LIN37: variants seen among roughly 807,000 people sequenced by gnomAD.
The protein encoded by LIN37 is protein lin-37 homolog.
LIN37 carries 21 observed loss-of-function variants against 38.0 expected under a neutral mutation model. That is an observed-to-expected ratio of 0.55 (90% CI 0.39 to 0.80). The LOEUF is 0.80. Ranked by LOEUF, LIN37 falls within the 30% of genes least tolerant of loss-of-function variation. The probability of loss-of-function intolerance (pLI) is 0.00; values close to 1 mark genes in which losing one functional copy is unlikely to be tolerated. For missense variants in LIN37, 273 were observed against 338.5 expected (o/e 0.81, Z 1.52); for synonymous variants, 126 against 122.9 (o/e 1.03, Z -0.17).
chr19:35,750,606 G>A (rs1970667771), intron 1 of LIN37, among the ~76,000 whole-genome samples: 2 of 152,184 alleles, frequency 1.3e-5, no homozygotes, highest in East Asian at 3.8e-4. Context: ...GGGCAGGAAG[G>A]TGGGCCTAGA....
intron 1 of LIN37, among the ~76,000 whole-genome samples, chr19:35,749,399 C>T (rs1271798977): frequency 2.0e-5 from 3 of 152,014 alleles, no homozygotes; most frequent in Non-Finnish European, 4.4e-5. Flanking sequence ...CTGACCGGAT[C>T]CCAGGCCTGG....
At chr19:35,751,359 T>G (rs1242036408) in intron 1 of LIN37, among the ~76,000 whole-genome samples, 1 of 152,192 alleles carries the variant, frequency 6.6e-6, no homozygotes, top group Non-Finnish European at 1.5e-5. Flanking sequence ...AATAAAATTA[T>G]ACCACTGCCT....
At chr19:35,748,782 C>G (rs374445863) in intron 1 of LIN37, 24 bp downstream of exon 1, 1 of 1,613,796 alleles carries the variant, frequency 6.2e-7, no homozygotes, top group African/African-American at 1.3e-5. Flanking sequence ...CGTCGGGGGC[C>G]TGTCGGGACC....
chr19:35,749,432 G>T (rs953926044), intron 1 of LIN37, among the ~76,000 whole-genome samples: 1 of 152,078 alleles, frequency 6.6e-6, no homozygotes, highest in Non-Finnish European at 1.5e-5. Context: ...AGTGGGAGGG[G>T]TGCAGAATTT....
chr19:35,750,568 G>A (rs1568401845), intron 1 of LIN37, among the ~76,000 whole-genome samples: 1 of 152,316 alleles, frequency 6.6e-6, no homozygotes, highest in East Asian at 1.9e-4. Context: ...CAAGTTCTGT[G>A]ATGACGGGAG....
chr19:35,749,396 G>T (rs1431682934), intron 1 of LIN37, among the ~76,000 whole-genome samples: 1 of 152,144 alleles, frequency 6.6e-6, no homozygotes, highest in Non-Finnish European at 1.5e-5. Context: ...GAGCTGACCG[G>T]ATCCCAGGCC....
At position 35,750,901 on chromosome 19, in the gene LIN37, C is replaced by G. The variant is rs541381553; in HGVS notation, c.35-1275C>G. ...ACTTGTACTCAGGAGGCAGAGGTTGCAGTGAGCCGAGATCACGCCACTGCA... is the reference window on the plus strand; with the variant it reads ...ACTTGTACTCAGGAGGCAGAGGTTGGAGTGAGCCGAGATCACGCCACTGCA... On this transcript the variant is annotated intron_variant, in intron 1 of 8. Transcript: ENST00000301159. Among the ~76,000 whole-genome samples the G allele has an allele frequency of 1.4e-4, 22 of 151,872 alleles. 1 individual carries two copies. In the East Asian group the frequency reaches 3.9e-3, roughly 27 times the overall value.
intron 3 of LIN37, 62 bp from the exon 4 acceptor site, chr19:35,752,742 G>A: frequency 6.3e-7 from 1 of 1,580,432 alleles, no homozygotes. Flanking sequence ...AGTATCCCCA[G>A]GGTGCCCTCT....
Position 35,752,448 on chromosome 19 carries a change from A to G in LIN37, c.125A>G (p.Glu42Gly). ...TCTGCCTCTAGGGAGCGTCTGGATG[A>G]GGAAGCTGGGAAAACACCCTCAGAC... ...KSHMDRERLDEEAGKTPSDTH... is the reference protein window; with the variant it reads ...KSHMDRERLDGEAGKTPSDTH... The change falls in exon 3 of 9, where the codon GAG becomes GGG. Residue 42 changes from glutamate (E) to glycine (G), a missense_variant. Physicochemically the swap from Glu to Gly is moderately conservative, Grantham distance 98. Coordinates refer to ENST00000301159, the MANE Select transcript of LIN37 (RefSeq NM_019104.3). The G allele has an allele frequency of 6.2e-7, 1 of 1,613,980 alleles. No individual in the cohort carries two copies. Among genetic ancestry groups the G allele is most frequent in the Middle Eastern group, 1.6e-4 (1 of 6,062 alleles).
rs958406298 is a variant in LIN37 at position 35,753,976 on chromosome 19, T to C, written c.445-41T>C. 4 of 1,596,950 alleles carry C rather than the reference T, an allele frequency of 2.5e-6. No homozygotes were observed. The African/African-American group carries it at 4.0e-5, about 16-fold the overall frequency. ...AATGTGGATTCCCAGCCCCTCTGCT[T>C]TGACTCTCTTGGGCCTGGCATGGGG... On this transcript the variant is annotated intron_variant, in intron 6 of 8. Transcript: ENST00000301159.
At position 35,748,739 on chromosome 19, in the gene LIN37, G is replaced by A. The variant is rs764344868; in HGVS notation, c.15G>A (p.Lys5=). 1.2e-6 allele frequency: 2 copies of A among 1,613,802 alleles called. No homozygotes were observed. Among genetic ancestry groups the A allele is most frequent in the East Asian group, 2.2e-5 (1 of 44,900 alleles). MFPV[K]VKVEKSELEM... ...GGACCCAAACCATGTTCCCTGTGAA[G>A]GTGAAAGTGGAGAAATCAGGTGAGG... is the stretch of plus-strand genomic sequence containing the variant. Residue 5 remains lysine, a synonymous_variant, in exon 1 of 9, where the codon AAG becomes AAA. Transcript: ENST00000301159.
chr19:35,750,627 C>T (rs780519471), intron 1 of LIN37, among the ~76,000 whole-genome samples: 4 of 152,060 alleles, frequency 2.6e-5, no homozygotes, highest in East Asian at 3.9e-4. Flanking sequence ...TCTCATTTCC[C>T]GAGGGGGAAA....
chr19:35,754,229 C>A lies in LIN37; in HGVS notation c.586-17C>A. 1 of 1,614,006 alleles carries A rather than the reference C, an allele frequency of 6.2e-7. No individual in the cohort carries two copies. Among genetic ancestry groups the A allele is most frequent in the African/African-American group, 1.3e-5 (1 of 75,056 alleles). ...GCTCAGGAATGGCCACTCAACCTGG[C>A]CTGTCTGTCCATGCAGCCCTCTGAG... is the stretch of plus-strand genomic sequence containing the variant. On this transcript the variant is annotated splice_polypyrimidine_tract_variant and intron_variant, in intron 7 of 8. Transcript: ENST00000301159.
intron 5 of LIN37, 43 bp from the exon 6 acceptor site, chr19:35,753,044 C>T (rs1970701717): frequency 1.3e-6 from 2 of 1,587,212 alleles, no homozygotes; most frequent in South Asian, 2.3e-5. Context: ...AGCCAAGGGC[C>T]TATGCAAGGA....
In LIN37 at chr19:35,749,005, G is replaced by C. The variant is rs570345486; in HGVS notation, c.34+247G>C. 759 of 1,344,112 alleles carry C rather than the reference G, an allele frequency of 5.6e-4. 3 individuals carry two copies. In the African/African-American group the frequency reaches 7.9e-3, roughly 14 times the overall value. The allele number at this position is 1,344,112 out of a possible 1,614,324, so 83.3% of individuals were successfully genotyped here. On this transcript the variant is annotated intron_variant, in intron 1 of 8. Transcript: ENST00000301159. The stretch of plus-strand genomic sequence containing the variant: ...TGCGTGGTAGGACATGGGGAATCCT[G>C]AGCCGGTAACTCTGAGAAGGGCCCT...
intron 1 of LIN37, chr19:35,749,049 T>G: frequency 9.3e-7 from 1 of 1,073,044 alleles, no homozygotes. Flanking sequence ...CTCTTTTTTT[T>G]AATTTAAATT....
intron 6 of LIN37, 126 bp downstream of exon 6, chr19:35,753,379 C>T: frequency 8.7e-7 from 1 of 1,147,732 alleles, no homozygotes; most frequent in African/African-American, 1.5e-5. Context: ...AATCCTGGAT[C>T]AGGCTAGGCA....
chr19:35,752,729 A>G, intron 3 of LIN37, 75 bp from the exon 4 acceptor site: 1 of 1,550,920 alleles, frequency 6.4e-7, no homozygotes, highest in Non-Finnish European at 8.8e-7. Flanking sequence ...CAGGTTTGAT[A>G]CCAGTATCCC....
rs780208986 is a variant in LIN37, at chr19:35,753,366, G to A, written c.444+113G>A. 3.1e-4 allele frequency: 384 copies of A among 1,249,632 alleles called. 1 individual carries two copies. The highest frequency in any genetic ancestry group is 5.8e-4 in the South Asian group (45 of 77,874). The allele number at this position is 1,249,632 out of a possible 1,614,324, so 77.4% of individuals were successfully genotyped here. ...GGATAGACAGACACAGGTCCCTCAC[G>A]TGAATCCTGGATCAGGCTAGGCACA... is the stretch of plus-strand genomic sequence containing the variant. On this transcript the variant is annotated intron_variant, in intron 6 of 8. Coordinates refer to ENST00000301159, the MANE Select transcript of LIN37 (RefSeq NM_019104.3).
Sources: gnomAD v4.1 joint callset for allele counts (sites outside exome capture counted in the v4.1 genomes callset) on GRCh38, gnomAD v4.1.1 for gene constraint, MANE v1.5 for transcripts, NCBI Gene and HGNC (gene_info 2026-07-23, HGNC 2026-07-21) for gene names.